Variants in GRIP1 observed in about 807,000 individuals in gnomAD.
The protein encoded by GRIP1 is glutamate receptor-interacting protein 1.
GRIP1 carries 45 observed loss-of-function variants against 129.9 expected under a neutral mutation model. That is an observed-to-expected ratio of 0.35 (90% CI 0.27 to 0.44). The LOEUF (loss-of-function observed/expected upper bound fraction) is 0.44, where lower values mean the gene tolerates loss of function less well. GRIP1 is among the 20% of genes least tolerant of loss of function. GRIP1 has a pLI of 1.00. For synonymous variants in GRIP1, 530 were observed against 520.8 expected (o/e 1.02, Z -0.24); for missense variants, 1,196 against 1,396.8 (o/e 0.86, Z 2.29).
chr12:66,498,996 C>G (rs1416213412), intron 7 of GRIP1, among the ~76,000 whole-genome samples: 2 of 152,154 alleles, frequency 1.3e-5, no homozygotes, highest in African/African-American at 4.8e-5. Flanking sequence ...CTCATGATCA[C>G]TGAGAAGGAG....
rs868767106 is a variant in GRIP1 at position 66,955,589 on chromosome 12, C to A, written c.58+113461G>T. 1.1e-4 allele frequency among the ~76,000 whole-genome samples: 16 copies of A among 148,618 alleles called. No individual in the cohort carries two copies. The South Asian group carries it at 3.4e-3, about 32-fold the overall frequency. ...GTGGTGCAATCTCGGCTCACTGCAACCTCCACCTCCCAGGTTCAAGAGATT... is the reference window on the plus strand; with the variant it reads ...GTGGTGCAATCTCGGCTCACTGCAAACTCCACCTCCCAGGTTCAAGAGATT... On this transcript the variant is annotated intron_variant, in intron 1 of 1. Coordinates refer to the GRIP1 transcript ENST00000643019.
intron 1 of GRIP1, among the ~76,000 whole-genome samples, chr12:66,768,607 C>T (rs754331911): frequency 6.6e-6 from 1 of 152,082 alleles, no homozygotes; most frequent in African/African-American, 2.4e-5. Context: ...TTCCCAATGG[C>T]GTGGAGGAAA....
intron 13 of GRIP1, among the ~76,000 whole-genome samples, chr12:66,434,832 T>C (rs1184614322): frequency 6.6e-6 from 1 of 152,192 alleles, no homozygotes; most frequent in African/African-American, 2.4e-5. Flanking sequence ...CAGCAGCCAG[T>C]CAGCAGAGAG....
At chr12:66,970,949 C>A (rs2042067303) in intron 1 of GRIP1, among the ~76,000 whole-genome samples, 1 of 152,068 alleles carries the variant, frequency 6.6e-6, no homozygotes, top group African/African-American at 2.4e-5. Context: ...TCATTACTTT[C>A]CCCTTCCCTT....
chr12:66,514,878 G>A (rs1474776405), intron 7 of GRIP1, among the ~76,000 whole-genome samples: 2 of 152,006 alleles, frequency 1.3e-5, no homozygotes, highest in Non-Finnish European at 2.9e-5. Context: ...TCACCTAATC[G>A]AGTCTGATAA....
chr12:66,955,754 G>A (rs894934704), intron 1 of GRIP1, among the ~76,000 whole-genome samples: 4 of 152,048 alleles, frequency 2.6e-5, no homozygotes, highest in African/African-American at 7.2e-5. Context: ...TGATCCACCC[G>A]CCTCGGCCTC....
At chr12:66,897,551 AG>A (rs2040770583) in intron 1 of GRIP1, among the ~76,000 whole-genome samples, 1 of 152,354 alleles carries the variant, frequency 6.6e-6, no homozygotes, top group Admixed American at 6.5e-5. Flanking sequence ...TATGCTTCAA[AG>A]ACCAACCTAC....
chr12:66,726,580 A>G (rs2036260495), intron 1 of GRIP1, among the ~76,000 whole-genome samples: 1 of 152,226 alleles, frequency 6.6e-6, no homozygotes, highest in Non-Finnish European at 1.5e-5. Flanking sequence ...GGGCATGAAC[A>G]ATACCTTTTT....
chr12:66,528,163 C>T (rs1455178282), intron 5 of GRIP1, among the ~76,000 whole-genome samples: 3 of 61,078 alleles, frequency 4.9e-5, no homozygotes, highest in Non-Finnish European at 9.6e-5. Flanking sequence ...GAGATGGAGT[C>T]TGGCTCTATC....
At chr12:66,686,424 A>G (rs2034788609) in intron 1 of GRIP1, among the ~76,000 whole-genome samples, 1 of 152,236 alleles carries the variant, frequency 6.6e-6, no homozygotes, top group African/African-American at 2.4e-5. Context: ...TAACATGCAT[A>G]ATTATAGCCT....
intron 1 of GRIP1, among the ~76,000 whole-genome samples, chr12:66,758,456 C>G (rs1334462267): frequency 6.6e-6 from 1 of 151,728 alleles, no homozygotes; most frequent in Non-Finnish European, 1.5e-5. Context: ...GGTGGGGACA[C>G]AGCCAAATCA....
At chr12:66,714,735 A>G (rs559871211) in intron 1 of GRIP1, among the ~76,000 whole-genome samples, 1 of 152,126 alleles carries the variant, frequency 6.6e-6, no homozygotes, top group East Asian at 1.9e-4. Context: ...CTTCAAAAGC[A>G]TTATTCATTC....
chr12:66,597,501 G>T (rs1346590530), intron 1 of GRIP1, among the ~76,000 whole-genome samples: 2 of 152,186 alleles, frequency 1.3e-5, no homozygotes, highest in Admixed American at 6.5e-5. Context: ...ATGTTCAGAG[G>T]GAAGACCAGA....
chr12:67,008,153 T>C (rs945130160), intron 1 of GRIP1, among the ~76,000 whole-genome samples: 1 of 152,208 alleles, frequency 6.6e-6, no homozygotes, highest in African/African-American at 2.4e-5. Flanking sequence ...ACTCTATTCA[T>C]TGAAAAGTTA....
intron 22 of GRIP1, among the ~76,000 whole-genome samples, chr12:66,375,733 T>G (rs2055754264): frequency 6.6e-6 from 1 of 152,222 alleles, no homozygotes; most frequent in Admixed American, 6.5e-5. Context: ...ATGGATGTTG[T>G]TTTCATCAGA....
chr12:66,371,073 T>A (rs2055460826), intron 23 of GRIP1, among the ~76,000 whole-genome samples: 1 of 151,874 alleles, frequency 6.6e-6, no homozygotes, highest in East Asian at 1.9e-4. Context: ...CCCCTTCCAA[T>A]GAGATTGGAA....
intron 1 of GRIP1, among the ~76,000 whole-genome samples, chr12:66,640,441 A>G (rs951448968): frequency 7.9e-5 from 12 of 152,218 alleles, no homozygotes; most frequent in African/African-American, 2.9e-4. Flanking sequence ...TCTCCATCTC[A>G]AAACTACAAA....
intron 3 of GRIP1, among the ~76,000 whole-genome samples, chr12:66,540,282 C>T (rs1489280582): frequency 6.6e-6 from 1 of 152,202 alleles, no homozygotes; most frequent in Non-Finnish European, 1.5e-5. Context: ...GATTTACTAC[C>T]TTCAAAATGG....
chr12:66,460,230 T>A (rs1424153896), intron 9 of GRIP1, among the ~76,000 whole-genome samples: 1 of 152,222 alleles, frequency 6.6e-6, no homozygotes, highest in South Asian at 2.1e-4. Flanking sequence ...AGTCCCTTGT[T>A]ATGGATAAGA....
Sources: allele counts gnomAD v4.1 joint callset (sites outside exome capture counted in the v4.1 genomes callset), GRCh38; gene constraint gnomAD v4.1.1; transcripts MANE v1.5; gene names NCBI Gene and HGNC (gene_info 2026-07-23, HGNC 2026-07-21).